The following SPIRE1 variants were observed in gnomAD, a reference collection of about 807,000 sequenced individuals.
SPIRE1 encodes protein spire homolog 1.
SPIRE1 carries 40 observed loss-of-function variants against 94.1 expected under a neutral mutation model. That is an observed-to-expected ratio of 0.43 (90% CI 0.33 to 0.55). The LOEUF is 0.55. SPIRE1 is among the 20% of genes least tolerant of loss of function. The pLI is 0.06. For synonymous variants in SPIRE1, 376 were observed against 371.7 expected (o/e 1.01, Z -0.13); for missense variants, 838 against 975.2 (o/e 0.86, Z 1.87).
chr18:12,601,819 A>G (rs2036843408), intron 2 of SPIRE1, among the ~76,000 whole-genome samples: 2 of 152,094 alleles, frequency 1.3e-5, no homozygotes, highest in Admixed American at 6.5e-5. Flanking sequence ...TTTATTGCAG[A>G]TGGTACTCCA....
intron 2 of SPIRE1, among the ~76,000 whole-genome samples, chr18:12,571,201 A>G (rs2035952087): frequency 6.6e-6 from 1 of 152,028 alleles, no homozygotes; most frequent in Non-Finnish European, 1.5e-5. Flanking sequence ...TAGCCTCCCG[A>G]GTAGCTGGGA....
chr18:12,624,516 C>A (rs2037565313), intron 2 of SPIRE1, among the ~76,000 whole-genome samples: 1 of 145,416 alleles, frequency 6.9e-6, no homozygotes, highest in South Asian at 2.2e-4. Context: ...ACACTCCAGC[C>A]TGGGTGACAG....
chr18:12,661,713 T>C (rs545439164), upstream of SPIRE1: 1 of 152,440 alleles, frequency 6.6e-6, no homozygotes, highest in East Asian at 1.9e-4. Flanking sequence ...AAGTGGAGAT[T>C]GCTGTGAGCC....
chr18:12,653,845 C>G (rs920062310), intron 1 of SPIRE1, among the ~76,000 whole-genome samples: 8 of 151,804 alleles, frequency 5.3e-5, no homozygotes, highest in Admixed American at 4.6e-4. Context: ...ACTCGGGAGG[C>G]TGAGGCAGGA....
chr18:12,576,419 C>A (rs2036099154), intron 2 of SPIRE1, among the ~76,000 whole-genome samples: 2 of 151,122 alleles, frequency 1.3e-5, no homozygotes, highest in South Asian at 4.2e-4. Context: ...TCGTCTCTAA[C>A]TAAAATACGA....
intron 1 of SPIRE1, among the ~76,000 whole-genome samples, chr18:12,643,564 T>C (rs961896931): frequency 4.6e-5 from 7 of 152,176 alleles, no homozygotes; most frequent in Admixed American, 1.3e-4. Flanking sequence ...CAGGAACTTC[T>C]ATCTTCCAAG....
Position 12,623,976 on chromosome 18 carries a change from C to T in SPIRE1, c.372+11086G>A, listed in dbSNP as rs370033611. ...TCTCACTCTGTCGCCCAGGTTGGTG[C>T]GCCCTGGAGTGGTCTCGGCTCACTG... On this transcript the variant is annotated intron_variant, in intron 2 of 16. Transcript: ENST00000409402. Among the ~76,000 whole-genome samples, 235 of 146,312 alleles carry T rather than the reference C, an allele frequency of 1.6e-3. 1 individual carries two copies. Among genetic ancestry groups the T allele is most frequent in the African/African-American group, 5.4e-3 (212 of 39,492 alleles).
In SPIRE1 at chr18:12,535,541, G is replaced by A. The variant is rs776470145; in HGVS notation, c.664C>T (p.Arg222Cys). The A allele has an allele frequency of 3.1e-6, 5 of 1,613,136 alleles. No homozygotes were observed. In the South Asian group the frequency reaches 3.3e-5, roughly 11 times the overall value. ...TCCATTGTTTCTGCAAACAGTGCAC[G>A]ACATACTGCCTGATAATGATTTGGT... ...DAPNHYQAVCRALFAETMELH... is the reference protein window; with the variant it reads ...DAPNHYQAVCCALFAETMELH... The change falls in exon 4 of 17, where the codon CGT (arginine) becomes TGT (cysteine). Residue 222 changes from arginine (R) to cysteine (C), a missense_variant. By Grantham distance (180) the Arg-to-Cys change is radical (BLOSUM62 -3). Coordinates refer to ENST00000409402, the MANE Select transcript of SPIRE1 (RefSeq NM_001128626.2).
At chr18:12,481,719 G>T (rs1252685395) in intron 9 of SPIRE1, among the ~76,000 whole-genome samples, 3 of 152,026 alleles carry the variant, frequency 2.0e-5, no homozygotes, top group African/African-American at 7.2e-5. Flanking sequence ...TGGTGGTGGG[G>T]AGCACTGAAA....
chr18:12,574,904 T>G (rs1481188972), intron 2 of SPIRE1, among the ~76,000 whole-genome samples: 2 of 152,220 alleles, frequency 1.3e-5, no homozygotes, highest in African/African-American at 4.8e-5. Flanking sequence ...ATGTACTGAA[T>G]GTGGATAAGA....
At chr18:12,617,876 T>C (rs2037356135) in intron 2 of SPIRE1, among the ~76,000 whole-genome samples, 1 of 152,068 alleles carries the variant, frequency 6.6e-6, no homozygotes. Context: ...CATTTTATCA[T>C]GGTAATACTC....
At chr18:12,627,093 C>T (rs1290541826) in intron 2 of SPIRE1, among the ~76,000 whole-genome samples, 2 of 151,824 alleles carry the variant, frequency 1.3e-5, no homozygotes, top group East Asian at 3.9e-4. Context: ...TGTTATTATA[C>T]TTTAAGTTCT....
At chr18:12,658,952 A>G (rs1297814853), upstream of SPIRE1, 2 of 206,354 alleles carry the variant, frequency 9.7e-6, no homozygotes, top group East Asian at 2.9e-4. Context: ...CAAGTACCAC[A>G]CTCATCAGAG....
At chr18:12,469,090 C>T (rs1026626904) in intron 10 of SPIRE1, among the ~76,000 whole-genome samples, 2 of 152,082 alleles carry the variant, frequency 1.3e-5, no homozygotes, top group Admixed American at 1.3e-4. Context: ...GAAAGTCTTT[C>T]CTGAATCTCC....
At chr18:12,581,761 G>C (rs890322226) in intron 2 of SPIRE1, among the ~76,000 whole-genome samples, 2 of 152,086 alleles carry the variant, frequency 1.3e-5, no homozygotes, top group Non-Finnish European at 2.9e-5. Context: ...CTACTCGAGA[G>C]GCTGAGGCAT....
chr18:12,591,844 C>T (rs2036543628), intron 2 of SPIRE1, among the ~76,000 whole-genome samples: 1 of 151,804 alleles, frequency 6.6e-6, no homozygotes, highest in Admixed American at 6.6e-5. Flanking sequence ...TGGTGGGCAC[C>T]TGTAGTTCCA....
intron 6 of SPIRE1, among the ~76,000 whole-genome samples, chr18:12,500,083 C>T (rs1336290021): frequency 6.6e-6 from 1 of 152,066 alleles, no homozygotes; most frequent in Non-Finnish European, 1.5e-5. Context: ...AATGGGTACA[C>T]ATGGACGCAA....
rs777830368 is a variant in SPIRE1 at position 12,512,480 on chromosome 18, A to G, written c.781T>C (p.Leu261=). The change falls in exon 5 of 17, where the codon TTG becomes CTG. Residue 261 remains leucine, a synonymous_variant. Coordinates refer to ENST00000409402, the MANE Select transcript of SPIRE1 (RefSeq NM_001128626.2). ...CAGTCAGCGTTTTTCAGCTCTTCCAAGTCTGTGCTAGATTCATCGCTCTTT... is the reference window on the plus strand; with the variant it reads ...CAGTCAGCGTTTTTCAGCTCTTCCAGGTCTGTGCTAGATTCATCGCTCTTT... The part of the protein sequence containing the change: ...MEKSDESSTD[L]EELKNADWAR... 3.7e-6 allele frequency: 6 copies of G among 1,613,064 alleles called. No homozygotes were observed. In the East Asian group the frequency reaches 1.1e-4, roughly 30 times the overall value.
chr18:12,492,944 G>A, intron 8 of SPIRE1, 128 bp downstream of exon 8: 3 of 1,086,512 alleles, frequency 2.8e-6, no homozygotes, highest in Non-Finnish European at 3.9e-6. Flanking sequence ...GTGAGAGGGA[G>A]AACAAGTGAG....
Sources: gnomAD v4.1 joint callset for allele counts (sites outside exome capture counted in the v4.1 genomes callset) on GRCh38, gnomAD v4.1.1 for gene constraint, MANE v1.5 for transcripts, NCBI Gene and HGNC (gene_info 2026-07-23, HGNC 2026-07-21) for gene names.